CD70: variants seen among roughly 807,000 people sequenced by gnomAD.
The protein encoded by CD70 is CD70 antigen.
A neutral mutation model predicts 9.0 loss-of-function variants in CD70; 6 were observed. That is an observed-to-expected ratio of 0.67 (90% CI 0.37 to 1.32). CD70 has a LOEUF of 1.32. Among genes scored for constraint, CD70 ranks in the 40% most tolerant of loss-of-function variants. CD70 has a pLI of 0.02. For synonymous variants in CD70, 108 were observed against 112.3 expected, an observed-to-expected ratio of 0.96 and a Z score of 0.24; for missense variants, 235 against 258.7, an observed-to-expected ratio of 0.91 and a Z score of 0.63.
chr19:6,590,905 C>A lies in CD70; in HGVS notation c.98G>T (p.Cys33Phe), dbSNP rs1332574327. 1 of 1,614,138 alleles carries A rather than the reference C, an allele frequency of 6.2e-7. No homozygotes were observed. Among genetic ancestry groups the A allele is most frequent in the Non-Finnish European group, 8.5e-7 (1 of 1,180,010 alleles). Reference protein sequence around the residue: ...LVPLVAGLVICLVVCIQRFAQ... With the variant: ...LVPLVAGLVIFLVVCIQRFAQ... ...GAAGCGCTGGATGCACACCACGAGG[C>A]AGATCACCAAGCCCGCGACCAATGG... Residue 33 changes from cysteine (C) to phenylalanine (F), a missense_variant, in exon 1 of 3, where the codon TGC (cysteine) becomes TTC (phenylalanine). Coordinates refer to ENST00000245903, the MANE Select transcript of CD70 (RefSeq NM_001252.5). This position sits in a 1 kb window ranked among gnomAD's most constrained non-coding sequence, Gnocchi z 5.3.
At position 6,587,525 on chromosome 19, in the gene CD70, C is replaced by T. The variant is rs563012731; in HGVS notation, c.197-1120G>A. On this transcript the variant is annotated intron_variant, in intron 2 of 2. Coordinates refer to ENST00000245903, the MANE Select transcript of CD70 (RefSeq NM_001252.5). ...CAGACAGCACGAGAGAGACAGCGTG[C>T]GCACGAGACAGCGCGCAAGAGAGTG... 5.3e-5 allele frequency among the ~76,000 whole-genome samples: 8 copies of T among 149,818 alleles called. No homozygotes were observed. The South Asian group carries it at 1.3e-3, about 24-fold the overall frequency.
At chr19:6,586,749 A>G (rs954564027) in intron 2 of CD70, among the ~76,000 whole-genome samples, 5 of 151,722 alleles carry the variant, frequency 3.3e-5, no homozygotes, top group African/African-American at 4.8e-5. Flanking sequence ...GCAGTGAGCT[A>G]TGATCACACC....
In CD70 at chr19:6,590,992, T is replaced by C. The variant is rs370658748; in HGVS notation, c.11A>G (p.Glu4Gly). 6.3e-7 allele frequency: 1 copy of C among 1,589,424 alleles called. No individual in the cohort carries two copies. Among genetic ancestry groups the C allele is most frequent in the South Asian group, 1.1e-5 (1 of 88,852 alleles). The change falls in exon 1 of 3, where the codon GAG (glutamate) becomes GGG (glycine). Residue 4 changes from glutamate to glycine, a missense_variant. Coordinates refer to ENST00000245903, the MANE Select transcript of CD70 (RefSeq NM_001252.5). This position sits in a 1 kb window ranked among gnomAD's most constrained non-coding sequence, Gnocchi z 5.3. Reference sequence around the variant, plus strand: ...GCGCCGCACCGAGCAGCCCGAACCCTCCTCCGGCATCGCCGCGGCGATCAC... The same window carrying C: ...GCGCCGCACCGAGCAGCCCGAACCCCCCTCCGGCATCGCCGCGGCGATCAC... MPEEGSGCSVRRRP... is the reference protein window; with the variant it reads MPEGGSGCSVRRRP...
rs759222859 is a variant in CD70 at position 6,590,883 on chromosome 19, G to C, written c.120C>G (p.Arg40=). 51 of 1,614,066 alleles carry C rather than the reference G, an allele frequency of 3.2e-5. No homozygotes were observed. The East Asian group carries it at 1.0e-3, about 32-fold the overall frequency. ...LVICLVVCIQ[R]FAQAQQQLPL... ...GCAGCTGCTGCTGAGCCTGTGCGAAGCGCTGGATGCACACCACGAGGCAGA... is the reference window on the plus strand; with the variant it reads ...GCAGCTGCTGCTGAGCCTGTGCGAACCGCTGGATGCACACCACGAGGCAGA... Residue 40 remains arginine, a synonymous_variant, in exon 1 of 3, where the codon CGC becomes CGG. Coordinates refer to ENST00000245903, the MANE Select transcript of CD70 (RefSeq NM_001252.5). This position sits in a 1 kb window ranked among gnomAD's most constrained non-coding sequence, Gnocchi z 5.3.
Position 6,590,721 on chromosome 19 carries a change from C to T in CD70, c.162+120G>A. On this transcript the variant is annotated intron_variant, in intron 1 of 2. Transcript: ENST00000245903. The surrounding 1 kb of genome is among the most constrained non-coding windows in gnomAD (Gnocchi z 5.3). The stretch of plus-strand genomic sequence containing the variant: ...CTGGTCCCCGCCTCGCCTCCCTGTT[C>T]TGGTCTCTGTCTCTGCCCTACCAGA... 1.1e-6 allele frequency: 1 copy of T among 936,318 alleles called. No individual in the cohort carries two copies. The highest frequency in any genetic ancestry group is 1.6e-6 in the Non-Finnish European group (1 of 609,774). 58.0% of individuals were successfully genotyped at this position (936,318 alleles called of 1,614,324 possible). A position where few individuals can be genotyped will look rare whatever the true frequency, so the allele number is the denominator to read the frequency against.
chr19:6,588,639 T>C (rs1199277781), intron 2 of CD70, among the ~76,000 whole-genome samples: 1 of 151,880 alleles, frequency 6.6e-6, no homozygotes, highest in Admixed American at 6.6e-5. Flanking sequence ...CCCACTCAGA[T>C]ACCACCCCCC....
intron 2 of CD70, among the ~76,000 whole-genome samples, chr19:6,587,125 AGT>A (rs1916039750): frequency 6.6e-6 from 1 of 150,472 alleles, no homozygotes; most frequent in South Asian, 2.1e-4. Flanking sequence ...TGCACGAGAG[AGT>A]GCGAGAGAGC....
intron 2 of CD70, among the ~76,000 whole-genome samples, chr19:6,588,365 G>A (rs1916075424): frequency 1.3e-5 from 2 of 151,910 alleles, no homozygotes; most frequent in Admixed American, 1.3e-4. Flanking sequence ...CCAAATTACA[G>A]GAAAAATATG....
chr19:6,590,005 CTCTT>C lies in CD70; in HGVS notation c.196+94_196+97del, dbSNP rs1397793964. 6 of 920,644 alleles carry C rather than the reference CTCTT, an allele frequency of 6.5e-6. No homozygotes were observed. The highest frequency in any genetic ancestry group is 8.5e-6 in the Non-Finnish European group (5 of 585,976). The allele number at this position is 920,644 out of a possible 1,614,324, so 57.0% of individuals were successfully genotyped here. On this transcript the variant is annotated intron_variant, in intron 2 of 2. Transcript: ENST00000245903. This position sits in a 1 kb window ranked among gnomAD's most constrained non-coding sequence, Gnocchi z 5.3. ...TCTCTCCCTCCGTCTCTGTCTGTGT[CTCTT>C]TCTCTCTGTCTCTCCCCACTTGTCT...
downstream of CD70, among the ~76,000 whole-genome samples, chr19:6,584,895 G>C (rs1915985428): frequency 6.6e-6 from 1 of 151,976 alleles, no homozygotes; most frequent in Non-Finnish European, 1.5e-5. Flanking sequence ...CGCCATGTTG[G>C]CCAGGCTTGT....
At chr19:6,588,087 C>T (rs1028243731) in intron 2 of CD70, among the ~76,000 whole-genome samples, 1 of 152,172 alleles carries the variant, frequency 6.6e-6, no homozygotes, top group African/African-American at 2.4e-5. Flanking sequence ...GCCTCACTCT[C>T]CTCCTCACTC....
At chr19:6,588,507 G>A (rs1412453446) in intron 2 of CD70, among the ~76,000 whole-genome samples, 4 of 152,180 alleles carry the variant, frequency 2.6e-5, no homozygotes, top group Non-Finnish European at 5.9e-5. Flanking sequence ...TTAGTCTCTG[G>A]GGATGAACCG....
chr19:6,584,108 T>C (rs142987628), downstream of CD70, among the ~76,000 whole-genome samples: 172 of 147,978 alleles, frequency 1.2e-3, 1 homozygote, highest in East Asian at 0.022. Context: ...TCTTGATTTT[T>C]ATCCCACTTA....
Position 6,590,569 on chromosome 19 carries a change from C to T in CD70, c.162+272G>A, listed in dbSNP as rs1300720955. ...GTGAAGCCCCCAGCAGCCTCTGAGTCAGCCTGCCGGGGGAACACCAGAGCC... is the reference window on the plus strand; with the variant it reads ...GTGAAGCCCCCAGCAGCCTCTGAGTTAGCCTGCCGGGGGAACACCAGAGCC... On this transcript the variant is annotated intron_variant, in intron 1 of 2. Coordinates refer to ENST00000245903, the MANE Select transcript of CD70 (RefSeq NM_001252.5). The surrounding 1 kb of genome is among the most constrained non-coding windows in gnomAD (Gnocchi z 5.3). 6.6e-6 allele frequency among the ~76,000 whole-genome samples: 1 copy of T among 152,156 alleles called. No homozygotes were observed. Among genetic ancestry groups the T allele is most frequent in the Non-Finnish European group, 1.5e-5 (1 of 67,996 alleles).
At chr19:6,586,516 A>T (rs1916021896) in intron 2 of CD70, 111 bp from the exon 3 acceptor site, 1 of 1,216,384 alleles carries the variant, frequency 8.2e-7, no homozygotes, top group Non-Finnish European at 1.1e-6. Flanking sequence ...ATCAAGGAAT[A>T]GGTTGGACGT....
At chr19:6,584,575 T>C (rs922299965), downstream of CD70, among the ~76,000 whole-genome samples, 4 of 1,524 alleles carry the variant, frequency 2.6e-3, 1 homozygote, top group African/African-American at 7.2e-3. Context: ...CAAAATGTAT[T>C]TGAGGTCCAG....
At chr19:6,584,144 T>TAA (rs56703384), downstream of CD70, among the ~76,000 whole-genome samples, 887 of 133,556 alleles carry the variant, frequency 6.6e-3, 4 homozygotes, top group African/African-American at 0.018. Flanking sequence ...CTTCTCATTG[T>TAA]AAAAAAAAAA....
At chr19:6,587,169 CAT>C (rs1916041223) in intron 2 of CD70, among the ~76,000 whole-genome samples, 1 of 134,172 alleles carries the variant, frequency 7.5e-6, no homozygotes, top group African/African-American at 2.9e-5. Flanking sequence ...CAAGAGACAG[CAT>C]GAGAGAGAGA....
At chr19:6,589,963 C>A in intron 2 of CD70, 140 bp downstream of exon 2, 1 of 627,082 alleles carries the variant, frequency 1.6e-6, no homozygotes, top group Non-Finnish European at 2.9e-6. Context: ...CCGTTTCCCT[C>A]CCTATCTCTC....
Sources: gnomAD v4.1 joint callset for allele counts (sites outside exome capture counted in the v4.1 genomes callset) on GRCh38, gnomAD v4.1.1 for gene constraint, Gnocchi (gnomAD v3.1) non-coding constraint, MANE v1.5 for transcripts, NCBI Gene and HGNC (gene_info 2026-07-23, HGNC 2026-07-21) for gene names.